The following KIN variants were observed in gnomAD, a reference collection of about 807,000 sequenced individuals.
KIN encodes the protein DNA/RNA-binding protein KIN17.
Under a neutral mutation model 63.0 loss-of-function variants are expected in KIN, and 47 were observed. That is an observed-to-expected ratio of 0.75 (90% CI 0.59 to 0.95). KIN has a LOEUF of 0.95. Among genes scored for constraint, KIN ranks in the 40% least tolerant of loss-of-function variants. The probability of loss-of-function intolerance (pLI) is 0.00; values close to 1 mark genes in which losing one functional copy is unlikely to be tolerated. For synonymous variants in KIN, 160 were observed against 157.7 expected (o/e 1.01, Z -0.11); for missense variants, 408 against 460.9 (o/e 0.89, Z 1.05).
At chr10:7,782,850 G>T (rs190517078) in intron 2 of KIN, among the ~76,000 whole-genome samples, 14 of 152,236 alleles carry the variant, frequency 9.2e-5, no homozygotes, top group African/African-American at 3.4e-4. Context: ...TAGAATGAAA[G>T]ACAGTTTTGT....
chr10:7,752,749 C>T lies in KIN; in HGVS notation c.*3331G>A, dbSNP rs1835262434. On this transcript the variant is annotated 3_prime_UTR_variant, in exon 13 of 13. Coordinates refer to ENST00000379562, the MANE Select transcript of KIN (RefSeq NM_012311.4). Reference sequence around the variant, plus strand: ...TGCTAAAATGAAGTGCGCTATCGAGCCACAAAAACCTAACCAAAACAACAT... The same window carrying T: ...TGCTAAAATGAAGTGCGCTATCGAGTCACAAAAACCTAACCAAAACAACAT... The T allele has an allele frequency of 6.6e-6, 1 of 152,122 alleles. No individual in the cohort carries two copies. The highest frequency in any genetic ancestry group is 1.9e-4 in the East Asian group (1 of 5,196). 9.4% of individuals were successfully genotyped at this position (152,122 alleles called of 1,614,324 possible).
intron 7 of KIN, among the ~76,000 whole-genome samples, chr10:7,773,056 G>C (rs907991588): frequency 1.3e-5 from 2 of 152,178 alleles, no homozygotes; most frequent in Non-Finnish European, 1.5e-5. Flanking sequence ...GTGAGGATGG[G>C]GCAAAGAGAC....
rs1033488306 is a variant in KIN, at chr10:7,765,414, G to A, written c.849+639C>T. ...GTTTCAGACCAGCCTGGTCAATAGA[G>A]CAAGACCCTGTCTCTATTTAAAAAT... On this transcript the variant is annotated intron_variant, in intron 9 of 12. Coordinates refer to ENST00000379562, the MANE Select transcript of KIN (RefSeq NM_012311.4). Among the ~76,000 whole-genome samples, 8 of 150,618 alleles carry A rather than the reference G, an allele frequency of 5.3e-5. No individual in the cohort carries two copies. In the Admixed American group the frequency reaches 5.4e-4, roughly 10 times the overall value.
chr10:7,781,801 A>C (rs1835902257), intron 2 of KIN, among the ~76,000 whole-genome samples: 1 of 151,136 alleles, frequency 6.6e-6, no homozygotes, highest in Non-Finnish European at 1.5e-5. Context: ...TCACACCTGT[A>C]ATCCCAGCAC....
At chr10:7,763,892 T>C (rs962454825) in intron 9 of KIN, 101 bp from the exon 10 acceptor site, 4 of 596,188 alleles carry the variant, frequency 6.7e-6, no homozygotes, top group Non-Finnish European at 5.8e-6. Context: ...CACAGGAAAA[T>C]GTAACTGCCC....
chr10:7,777,511 T>C (rs1256175743), intron 5 of KIN, among the ~76,000 whole-genome samples: 1 of 152,204 alleles, frequency 6.6e-6, no homozygotes, highest in South Asian at 2.1e-4. Context: ...CTTTAATCAA[T>C]GTATGTTAAA....
chr10:7,784,072 T>C lies in KIN; in HGVS notation c.115-897A>G, dbSNP rs371372921. The stretch of plus-strand genomic sequence containing the variant: ...TTTAAATTTATTTTTAAAAGAAACT[T>C]GGTATCAGCCTCATAAATAAACAGT... On this transcript the variant is annotated intron_variant, in intron 1 of 12. Transcript: ENST00000379562. Among the ~76,000 whole-genome samples the C allele has an allele frequency of 3.9e-5, 6 of 152,192 alleles. No homozygotes were observed. In the East Asian group the frequency reaches 5.8e-4, roughly 15 times the overall value.
intron 10 of KIN, among the ~76,000 whole-genome samples, chr10:7,762,951 A>G (rs1044790971): frequency 6.6e-6 from 1 of 152,192 alleles, no homozygotes; most frequent in African/African-American, 2.4e-5. Flanking sequence ...GAATATTGAT[A>G]CAAACTTTAA....
At chr10:7,776,732 CAAA>C (rs779355865) in intron 5 of KIN, among the ~76,000 whole-genome samples, 1 of 84,010 alleles carries the variant, frequency 1.2e-5, no homozygotes, top group Admixed American at 1.3e-4. Context: ...GACTCTGTCT[CAAA>C]AAAAAAAAAA....
At chr10:7,778,275 T>C (rs1326383852) in intron 5 of KIN, among the ~76,000 whole-genome samples, 1 of 152,226 alleles carries the variant, frequency 6.6e-6, no homozygotes, top group Non-Finnish European at 1.5e-5. Flanking sequence ...CGTCTCTATT[T>C]AGATATAAGG....
chr10:7,764,777 A>T (rs749584979), intron 9 of KIN, among the ~76,000 whole-genome samples: 12 of 152,218 alleles, frequency 7.9e-5, no homozygotes, highest in Non-Finnish European at 1.3e-4. Flanking sequence ...ACACTCTAGT[A>T]ATTGGAAGAT....
chr10:7,760,547 T>TC (rs1461888418), intron 11 of KIN, among the ~76,000 whole-genome samples: 1 of 152,106 alleles, frequency 6.6e-6, no homozygotes, highest in Non-Finnish European at 1.5e-5. Context: ...GGTACAGTAG[T>TC]CCCCCCTTAT....
At chr10:7,767,958 GA>G (rs990205540) in intron 8 of KIN, among the ~76,000 whole-genome samples, 6 of 150,520 alleles carry the variant, frequency 4.0e-5, no homozygotes, top group Non-Finnish European at 7.4e-5. Flanking sequence ...TAATATTAAA[GA>G]AAAAAAAGTT....
Position 7,779,009 on chromosome 10 carries a change from T to A in KIN, c.387A>T (p.Lys129Asn). Residue 129 changes from lysine to asparagine, a missense_variant, in exon 5 of 13, where the codon AAA becomes AAT. Around this residue, in one of 2 missense-constraint regions of KIN, gnomAD observed 110 missense variants for 164.9 expected, o/e 0.67. Coordinates refer to ENST00000379562, the MANE Select transcript of KIN (RefSeq NM_012311.4). ...TKWLGREGLC[K>N]VDETPKGWYI... The stretch of plus-strand genomic sequence containing the variant: ...ACCAGCCTTTTGGTGTCTCGTCCAC[T>A]TTGCACAAGCCTTAAAAAAACAGCC... The A allele has an allele frequency of 3.7e-6, 6 of 1,609,242 alleles. No homozygotes were observed. Among genetic ancestry groups the A allele is most frequent in the Non-Finnish European group, 5.1e-6 (6 of 1,178,730 alleles).
At chr10:7,787,074 T>C (rs2802460) in intron 1 of KIN, among the ~76,000 whole-genome samples, 32,824 of 117,498 alleles carry the variant, frequency 0.28, 3,671 homozygotes, top group Non-Finnish European at 0.33. Context: ...GTAAATTCCA[T>C]AGTGTAGCCA....
chr10:7,757,615 A>AATG, intron 12 of KIN, among the ~76,000 whole-genome samples: 1 of 152,112 alleles, frequency 6.6e-6, no homozygotes, highest in South Asian at 2.1e-4. Flanking sequence ...TGATGATGAC[A>AATG]ATGATGATGA....
At chr10:7,780,490 G>A (rs1835875325) in intron 2 of KIN, among the ~76,000 whole-genome samples, 183 bp from the exon 3 acceptor site, 1 of 152,082 alleles carries the variant, frequency 6.6e-6, no homozygotes. Context: ...CACTTCCCAG[G>A]TTCAAGTGAT....
At chr10:7,786,624 T>C (rs1365709720) in intron 1 of KIN, among the ~76,000 whole-genome samples, 1 of 151,564 alleles carries the variant, frequency 6.6e-6, no homozygotes, top group East Asian at 1.9e-4. Context: ...GAAGAGAAGT[T>C]TCTATTAGAG....
In KIN at chr10:7,785,002, C is replaced by T. The variant is rs1835969936; in HGVS notation, c.115-1827G>A. Among the ~76,000 whole-genome samples, 3 of 152,098 alleles carry T rather than the reference C, an allele frequency of 2.0e-5. No individual in the cohort carries two copies. In the South Asian group the frequency reaches 6.2e-4, roughly 31 times the overall value. On this transcript the variant is annotated intron_variant, in intron 1 of 12. Transcript: ENST00000379562. ...TGGTGGCTTGAGCCTGTAATCCTAG[C>T]ACTTTGGGAGGCCGAGGCAGGAGGA...
Sources: gnomAD v4.1 joint callset for allele counts (sites outside exome capture counted in the v4.1 genomes callset) on GRCh38, gnomAD v4.1.1 for gene constraint, gnomAD v4.1.1 regional missense constraint, MANE v1.5 for transcripts, NCBI Gene and HGNC (gene_info 2026-07-23, HGNC 2026-07-21) for gene names.